Variants in WDR45B observed in about 807,000 individuals in gnomAD.
The protein encoded by WDR45B is WD repeat domain 45B.
WDR45B carries 20 observed loss-of-function variants against 44.6 expected under a neutral mutation model. That is an observed-to-expected ratio of 0.45 (90% CI 0.32 to 0.65). The LOEUF (loss-of-function observed/expected upper bound fraction) is 0.65. WDR45B is among the 30% of genes least tolerant of loss of function. The pLI is 0.05. For synonymous variants in WDR45B, 169 were observed against 164.9 expected (o/e 1.02, Z -0.19); for missense variants, 323 against 430.2 (o/e 0.75, Z 2.20).
At chr17:82,627,033 C>G in intron 4 of WDR45B, 171 bp downstream of exon 4, 1 of 699,096 alleles carries the variant, frequency 1.4e-6, no homozygotes, top group Non-Finnish European at 2.5e-6. Context: ...AATTCGCTGC[C>G]TTTCTTGCAG....
Position 82,648,341 on chromosome 17 carries a change from G to T in WDR45B, c.-1C>A. The T allele has an allele frequency of 6.2e-7, 1 of 1,605,960 alleles. No individual in the cohort carries two copies. On this transcript the variant is annotated 5_prime_UTR_variant, in exon 1 of 10. Coordinates refer to ENST00000392325, the MANE Select transcript of WDR45B (RefSeq NM_019613.4). ...GAGGGTTACACGGCAGGAGGTTCAT[G>T]GCGCCGCCGTGCTGGGTCGCCGCTC...
intron 3 of WDR45B, among the ~76,000 whole-genome samples, chr17:82,627,786 G>A (rs1164469086): frequency 6.6e-6 from 1 of 152,250 alleles, no homozygotes; most frequent in African/African-American, 2.4e-5. Flanking sequence ...CCTTGCCCTT[G>A]CCTGGTTACG....
chr17:82,617,273 C>T (rs1038284546), intron 8 of WDR45B, 23 bp downstream of exon 8: 2 of 1,609,298 alleles, frequency 1.2e-6, no homozygotes, highest in Admixed American at 1.7e-5. Flanking sequence ...CGGCTTTTCC[C>T]CAGCAGGCAT....
At chr17:82,637,893 TG>T (rs1406048928) in intron 2 of WDR45B, among the ~76,000 whole-genome samples, 3 of 150,586 alleles carry the variant, frequency 2.0e-5, no homozygotes, top group African/African-American at 7.4e-5. Flanking sequence ...TTAGAAAGGG[TG>T]GGGGTGTGGT....
chr17:82,648,262 G>C lies in WDR45B; in HGVS notation c.67+12C>G. On this transcript the variant is annotated intron_variant, in intron 1 of 9. Coordinates refer to ENST00000392325, the MANE Select transcript of WDR45B (RefSeq NM_019613.4). Reference sequence around the variant, plus strand: ...CCCGGCCGGGCAAGGCGACAGGGCCGCGCCTCCTCACCGTGGTCCTGGTTG... The same window carrying C: ...CCCGGCCGGGCAAGGCGACAGGGCCCCGCCTCCTCACCGTGGTCCTGGTTG... 6.2e-7 allele frequency: 1 copy of C among 1,603,246 alleles called. No individual in the cohort carries two copies. Among genetic ancestry groups the C allele is most frequent in the Middle Eastern group, 2.1e-4 (1 of 4,678 alleles).
chr17:82,644,188 T>C, intron 1 of WDR45B, 165 bp from the exon 2 acceptor site: 2 of 707,356 alleles, frequency 2.8e-6, no homozygotes, highest in Non-Finnish European at 5.1e-6. Flanking sequence ...TGTTACTAAG[T>C]GACAAGCACA....
At chr17:82,625,889 TTA>T (rs1455099621) in intron 4 of WDR45B, 1 of 252,584 alleles carries the variant, frequency 4.0e-6, no homozygotes, top group Non-Finnish European at 7.8e-6. Flanking sequence ...ATTATTATTA[TTA>T]CTTTTTTTTT....
Position 82,617,337 on chromosome 17 carries a change from A to G in WDR45B, c.765T>C (p.His255=). 6.2e-7 allele frequency: 1 copy of G among 1,613,988 alleles called. No individual in the cohort carries two copies. Among genetic ancestry groups the G allele is most frequent in the South Asian group, 1.1e-5 (1 of 91,062 alleles). Reference sequence around the variant, plus strand: ...TTTTTGGATCTTCAGCTGCAAAAATATGCACTGTGCCGTGGTCGCTGGATA... The same window carrying G: ...TTTTTGGATCTTCAGCTGCAAAAATGTGCACTGTGCCGTGGTCGCTGGATA... ...ICVSSDHGTV[H]IFAAEDPKRN... is the part of the protein sequence containing the mutation. Residue 255 remains histidine (H), a synonymous_variant, in exon 8 of 10, where the codon CAT becomes CAC. Coordinates refer to ENST00000392325, the MANE Select transcript of WDR45B (RefSeq NM_019613.4).
chr17:82,619,710 G>C lies in WDR45B; in HGVS notation c.619-582C>G, dbSNP rs184563428. On this transcript the variant is annotated intron_variant, in intron 6 of 9. Coordinates refer to ENST00000392325, the MANE Select transcript of WDR45B (RefSeq NM_019613.4). Reference sequence around the variant, plus strand: ...AGCTGATTCTGACAGCTGGGAAAACGAGAACTGCTGCATCTTTTGTCAAAC... The same window carrying C: ...AGCTGATTCTGACAGCTGGGAAAACCAGAACTGCTGCATCTTTTGTCAAAC... Among the ~76,000 whole-genome samples the C allele has an allele frequency of 1.2e-4, 19 of 152,298 alleles. No individual in the cohort carries two copies. In the East Asian group the frequency reaches 3.5e-3, roughly 28 times the overall value.
intron 5 of WDR45B, among the ~76,000 whole-genome samples, chr17:82,624,769 C>T (rs887484073): frequency 2.6e-5 from 4 of 151,782 alleles, no homozygotes; most frequent in Non-Finnish European, 4.4e-5. Context: ...CAGGTGCCCG[C>T]CACCACGCCC....
chr17:82,618,562 G>T (rs902913401), intron 7 of WDR45B, among the ~76,000 whole-genome samples: 1 of 152,104 alleles, frequency 6.6e-6, no homozygotes, highest in East Asian at 1.9e-4. Context: ...GGGCAGCAGC[G>T]AGACCCCTCT....
intron 2 of WDR45B, among the ~76,000 whole-genome samples, chr17:82,636,285 C>T (rs1189343039): frequency 1.4e-5 from 2 of 138,978 alleles, no homozygotes; most frequent in South Asian, 4.6e-4. Flanking sequence ...AAAAAGAAGA[C>T]AAACACAGTC....
chr17:82,634,773 C>G (rs2045812854), intron 2 of WDR45B, among the ~76,000 whole-genome samples: 1 of 151,962 alleles, frequency 6.6e-6, no homozygotes, highest in Non-Finnish European at 1.5e-5. Flanking sequence ...CACTATGTTG[C>G]CCAGACTGGT....
intron 3 of WDR45B, among the ~76,000 whole-genome samples, chr17:82,628,842 A>C (rs1174706559): frequency 6.6e-6 from 1 of 152,040 alleles, no homozygotes; most frequent in Non-Finnish European, 1.5e-5. Flanking sequence ...TCTACTAAAA[A>C]CACAAAAGGT....
intron 6 of WDR45B, among the ~76,000 whole-genome samples, chr17:82,620,975 C>T (rs2045607496): frequency 6.6e-6 from 1 of 151,838 alleles, no homozygotes; most frequent in Admixed American, 6.6e-5. Flanking sequence ...TTGAGTGGTT[C>T]TGCAAAATCT....
At chr17:82,642,568 G>C (rs554559399) in intron 2 of WDR45B, among the ~76,000 whole-genome samples, 25 of 152,304 alleles carry the variant, frequency 1.6e-4, no homozygotes, top group African/African-American at 5.8e-4. Context: ...CTTGAAGCCA[G>C]TCAGTCTGAA....
intron 8 of WDR45B, 26 bp downstream of exon 8, chr17:82,617,270 T>C (rs755538762): frequency 6.2e-7 from 1 of 1,607,986 alleles, no homozygotes; most frequent in Non-Finnish European, 8.5e-7. Flanking sequence ...CCCCGGCTTT[T>C]CCCCAGCAGG....
intron 6 of WDR45B, 62 bp downstream of exon 6, chr17:82,621,547 C>G (rs1598261215): frequency 6.2e-7 from 1 of 1,608,360 alleles, no homozygotes; most frequent in East Asian, 2.2e-5. Context: ...CAGGGAATGG[C>G]CATTTTGCTG....
chr17:82,616,706 A>G, intron 8 of WDR45B, 61 bp from the exon 9 acceptor site: 2 of 1,608,850 alleles, frequency 1.2e-6, no homozygotes, highest in Non-Finnish European at 1.7e-6. Flanking sequence ...TCACCTGCGT[A>G]AGCTCAGAAT....
Sources: allele counts gnomAD v4.1 joint callset (sites outside exome capture counted in the v4.1 genomes callset), GRCh38; gene constraint gnomAD v4.1.1; transcripts MANE v1.5; gene names NCBI Gene and HGNC (gene_info 2026-07-23, HGNC 2026-07-21).